Variants in MBD5 observed in about 807,000 individuals in gnomAD.
MBD5 encodes methyl-CpG binding domain protein 5, also known as methyl-CpG-binding domain protein 5.
In MBD5, 13 loss-of-function variants were observed where a neutral mutation model predicts 117.3. That is an observed-to-expected ratio of 0.11 (90% CI 0.07 to 0.18). The LOEUF (loss-of-function observed/expected upper bound fraction) is 0.18, where lower values mean the gene tolerates loss of function less well. MBD5 is among the 10% of genes least tolerant of loss of function. The pLI is 1.00. For synonymous variants in MBD5, 727 were observed against 766.4 expected (o/e 0.95, Z 0.85); for missense variants, 1,879 against 2,093.8 (o/e 0.90, Z 2.00).
At chr2:148,074,687 A>G (rs776243630) in intron 1 of MBD5, among the ~76,000 whole-genome samples, 3 of 151,930 alleles carry the variant, frequency 2.0e-5, no homozygotes, top group Non-Finnish European at 4.4e-5. Flanking sequence ...TATTTTTAGT[A>G]GAGACGGGGT....
chr2:148,047,976 G>C (rs1182941792), intron 1 of MBD5, among the ~76,000 whole-genome samples: 1 of 152,136 alleles, frequency 6.6e-6, no homozygotes, highest in East Asian at 1.9e-4. Flanking sequence ...CCTCTAGTAA[G>C]ATACTGTAGA....
intron 1 of MBD5, among the ~76,000 whole-genome samples, chr2:148,117,356 C>T (rs1435817782): frequency 6.6e-6 from 1 of 151,620 alleles, no homozygotes; most frequent in East Asian, 1.9e-4. Context: ...CCTCAGAGGA[C>T]TAAGACATGT....
chr2:148,206,873 T>C (rs1699295889), intron 2 of MBD5, among the ~76,000 whole-genome samples: 1 of 152,180 alleles, frequency 6.6e-6, no homozygotes, highest in Non-Finnish European at 1.5e-5. Flanking sequence ...ACAGGTTAAA[T>C]AGCATGGCAT....
At chr2:148,155,574 A>G (rs754246256) in intron 1 of MBD5, among the ~76,000 whole-genome samples, 2 of 151,910 alleles carry the variant, frequency 1.3e-5, no homozygotes, top group Non-Finnish European at 2.9e-5. Flanking sequence ...TCTTCTGCCT[A>G]TGCTCTTCTT....
At chr2:148,332,225 T>C (rs980756437) in intron 3 of MBD5, among the ~76,000 whole-genome samples, 7 of 152,184 alleles carry the variant, frequency 4.6e-5, no homozygotes, top group Non-Finnish European at 1.0e-4. Context: ...CATTTCTATA[T>C]AGTTATATAA....
intron 4 of MBD5, among the ~76,000 whole-genome samples, chr2:148,434,313 C>T (rs1706088962): frequency 6.6e-6 from 1 of 151,812 alleles, no homozygotes; most frequent in Non-Finnish European, 1.5e-5. Flanking sequence ...TTAATTTTTT[C>T]AAAGAAACAA....
At chr2:148,070,826 A>G (rs1222648895) in intron 1 of MBD5, 1 of 151,864 alleles carries the variant, frequency 6.6e-6, no homozygotes, top group Non-Finnish European at 1.5e-5. Context: ...CTATAATAAT[A>G]CCATAAATTA....
rs150595745 is a variant in MBD5, at chr2:148,389,960, G to T, written c.-557+47624G>T. The stretch of plus-strand genomic sequence containing the variant: ...CTATTTGTCTGTTTTTGTTTCTGTC[G>T]CATTTGCCTTTGGTCTTAGTTAAAA... On this transcript the variant is annotated intron_variant, in intron 4 of 13. Coordinates refer to ENST00000642680, the MANE Select transcript of MBD5 (RefSeq NM_001378120.1). 1.7e-3 allele frequency among the ~76,000 whole-genome samples: 255 copies of T among 152,050 alleles called. 1 individual carries two copies. The highest frequency in any genetic ancestry group is 5.8e-3 in the African/African-American group (242 of 41,506).
intron 4 of MBD5, chr2:148,346,044 AT>A (rs573706828): frequency 7.0e-4 from 106 of 152,018 alleles, no homozygotes; most frequent in African/African-American, 2.2e-3. Context: ...CACACCCAGG[AT>A]TAATAATTTG....
intron 2 of MBD5, among the ~76,000 whole-genome samples, chr2:148,188,514 T>C (rs1449257967): frequency 6.6e-6 from 1 of 151,834 alleles, no homozygotes; most frequent in Non-Finnish European, 1.5e-5. Flanking sequence ...AATGAGACCC[T>C]GTATCTACAA....
intron 4 of MBD5, among the ~76,000 whole-genome samples, chr2:148,441,164 T>G (rs568831484): frequency 6.0e-4 from 91 of 152,262 alleles, no homozygotes; most frequent in African/African-American, 1.9e-3. Context: ...TGCAGGTTTG[T>G]TACATATGTA....
intron 1 of MBD5, among the ~76,000 whole-genome samples, chr2:148,102,727 CACAGAGAGAG>C (rs1211128147): frequency 9.5e-5 from 6 of 62,916 alleles, no homozygotes; most frequent in African/African-American, 3.1e-4. Context: ...CACACACACA[CACAGAGAGAG>C]AGAGAGAGAG....
chr2:148,059,845 C>CAA (rs953874046), intron 1 of MBD5, among the ~76,000 whole-genome samples: 5 of 105,788 alleles, frequency 4.7e-5, no homozygotes, highest in African/African-American at 1.1e-4. Context: ...GACTCCGTCT[C>CAA]AAAAAAAAAA....
At chr2:148,220,821 T>G (rs975164196) in intron 2 of MBD5, among the ~76,000 whole-genome samples, 1 of 152,150 alleles carries the variant, frequency 6.6e-6, no homozygotes, top group African/African-American at 2.4e-5. Flanking sequence ...AATATACAAT[T>G]AAATTACTAT....
intron 7 of MBD5, among the ~76,000 whole-genome samples, chr2:148,465,702 G>C (rs912725849): frequency 6.6e-6 from 1 of 152,138 alleles, no homozygotes; most frequent in African/African-American, 2.4e-5. Context: ...ACCGATGTAG[G>C]TAAATTGGGG....
intron 1 of MBD5, among the ~76,000 whole-genome samples, chr2:148,080,029 T>C (rs1028958710): frequency 6.6e-6 from 1 of 152,184 alleles, no homozygotes; most frequent in Non-Finnish European, 1.5e-5. Flanking sequence ...TTGAATAAAA[T>C]AGTGACTCTT....
At chr2:148,413,059 G>C (rs553357035) in intron 4 of MBD5, among the ~76,000 whole-genome samples, 1 of 152,150 alleles carries the variant, frequency 6.6e-6, no homozygotes, top group South Asian at 2.1e-4. Context: ...AAGGTTTCCA[G>C]ATTTTGCTCA....
chr2:148,378,717 T>C (rs1456120813), intron 4 of MBD5, among the ~76,000 whole-genome samples: 2 of 152,192 alleles, frequency 1.3e-5, no homozygotes, highest in East Asian at 3.8e-4. Context: ...ATGTGTTTAT[T>C]TAGTACCCAT....
At position 148,462,601 on chromosome 2, in the gene MBD5, T is replaced by A; in HGVS notation, c.133T>A (p.Ser45Thr). The change falls in exon 6 of 14, where the codon TCT (serine) becomes ACT (threonine). Residue 45 changes from serine (S) to threonine (T), a missense_variant. Around this residue, in one of 4 missense-constraint regions of MBD5, gnomAD observed 71 missense variants for 129.2 expected, o/e 0.55. Transcript: ENST00000642680. Reference protein sequence around the residue: ...LYVSPSGSLLSCLEQVKTYLL... With the variant: ...LYVSPSGSLLTCLEQVKTYLL... The stretch of plus-strand genomic sequence containing the variant: ...TTACAGTCCCAGTGGGTCTTTGTTA[T>A]CTTGCTTGGAGCAGGTTAAAACATA... 2 of 1,610,910 alleles carry A rather than the reference T, an allele frequency of 1.2e-6. No homozygotes were observed. Among genetic ancestry groups the A allele is most frequent in the Non-Finnish European group, 1.7e-6 (2 of 1,177,524 alleles).
Sources: gnomAD v4.1 joint callset for allele counts (sites outside exome capture counted in the v4.1 genomes callset) on GRCh38, gnomAD v4.1.1 for gene constraint, gnomAD v4.1.1 regional missense constraint, MANE v1.5 for transcripts, NCBI Gene and HGNC (gene_info 2026-07-23, HGNC 2026-07-21) for gene names.